ADGRB1: variants seen among roughly 807,000 people sequenced by gnomAD.
ADGRB1 encodes the protein brain-specific angiogenesis inhibitor 1.
A neutral mutation model predicts 175.7 loss-of-function variants in ADGRB1; 36 were observed. The ratio of observed to expected loss-of-function variants is 0.20; its 90% confidence interval spans 0.16 to 0.27. The LOEUF is 0.27. ADGRB1 is among the 10% of genes least tolerant of loss of function. The pLI, the probability that ADGRB1 is intolerant of heterozygous loss-of-function variation, is 1.00. For missense variants in ADGRB1, 1,731 were observed against 2,255.3 expected (o/e 0.77, Z 4.71); for synonymous variants, 1,054 against 979.4 (o/e 1.08, Z -1.42).
intron 24 of ADGRB1, 44 bp downstream of exon 24, chr8:142,526,671 G>A: frequency 1.0e-5 from 16 of 1,563,016 alleles, no homozygotes; most frequent in Non-Finnish European, 1.4e-5. Flanking sequence ...CGGAGTGCAA[G>A]ACCCAGAGCC....
chr8:142,491,069 G>A (rs1239279371), intron 17 of ADGRB1, among the ~76,000 whole-genome samples: 1 of 152,178 alleles, frequency 6.6e-6, no homozygotes, highest in African/African-American at 2.4e-5. Context: ...CACAGGCCAG[G>A]TGATGGGCAG....
chr8:142,466,793 G>C (rs371849290), intron 2 of ADGRB1, among the ~76,000 whole-genome samples: 2 of 152,280 alleles, frequency 1.3e-5, no homozygotes, highest in South Asian at 2.1e-4. Flanking sequence ...GGCTGCAGGA[G>C]GACTGGGCCC....
chr8:142,486,448 A>G (rs1435838158), intron 13 of ADGRB1, among the ~76,000 whole-genome samples: 1 of 152,148 alleles, frequency 6.6e-6, no homozygotes, highest in Non-Finnish European at 1.5e-5. Context: ...ACCAGTAGAA[A>G]TGTCCATTTC....
chr8:142,454,905 C>T (rs1219231045), intron 1 of ADGRB1, among the ~76,000 whole-genome samples: 5 of 152,132 alleles, frequency 3.3e-5, no homozygotes, highest in Admixed American at 2.0e-4. Flanking sequence ...TCTGCTACCC[C>T]GTTACAGGCT....
chr8:142,473,865 G>C (rs1484099193), intron 2 of ADGRB1, among the ~76,000 whole-genome samples: 1 of 152,150 alleles, frequency 6.6e-6, no homozygotes, highest in Admixed American at 6.5e-5. Flanking sequence ...CCCCCTGCTG[G>C]CCATTCCTGG....
chr8:142,470,244 T>C (rs1219966609), intron 2 of ADGRB1, among the ~76,000 whole-genome samples: 1 of 152,218 alleles, frequency 6.6e-6, no homozygotes, highest in Non-Finnish European at 1.5e-5. Context: ...TGCCTCCCTT[T>C]GCATTTTTCC....
chr8:142,525,547 G>T (rs1181799530), intron 23 of ADGRB1, among the ~76,000 whole-genome samples: 2 of 152,192 alleles, frequency 1.3e-5, no homozygotes, highest in South Asian at 2.1e-4. Flanking sequence ...CATCAGAAAA[G>T]TAGGCTGCCC....
chr8:142,471,408 C>G (rs1191807967), intron 2 of ADGRB1, among the ~76,000 whole-genome samples: 7 of 152,192 alleles, frequency 4.6e-5, no homozygotes, highest in Non-Finnish European at 8.8e-5. Context: ...CAACCGGGGT[C>G]GGGGCCCGGG....
At chr8:142,451,352 T>C (rs576619127) in intron 1 of ADGRB1, among the ~76,000 whole-genome samples, 22 of 152,264 alleles carry the variant, frequency 1.4e-4, no homozygotes, top group African/African-American at 3.8e-4. Flanking sequence ...ACTTTTATTT[T>C]GGGCTTCTAA....
intron 23 of ADGRB1, 25 bp from the exon 24 acceptor site, chr8:142,526,517 A>ACCCCCCCCC: frequency 1.4e-6 from 1 of 732,992 alleles, no homozygotes; most frequent in Non-Finnish European, 2.1e-6. Flanking sequence ...CCACCCCCAC[A>ACCCCCCCCC]CCCCCACCAC....
chr8:142,536,480 G>T (rs1844931026), intron 25 of ADGRB1, among the ~76,000 whole-genome samples: 1 of 152,148 alleles, frequency 6.6e-6, no homozygotes, highest in African/African-American at 2.4e-5. Context: ...GGCCATGAAG[G>T]GTGAAATCCC....
In ADGRB1 at chr8:142,542,353, G is replaced by T. The variant is rs779785088; in HGVS notation, c.4119G>T (p.Pro1373=). 3.8e-6 allele frequency: 6 copies of T among 1,569,138 alleles called. No homozygotes were observed. The East Asian group carries it at 1.2e-4, about 32-fold the overall frequency. The change falls in exon 28 of 31, where the codon CCG becomes CCT. Residue 1373 remains proline, a synonymous_variant. Transcript: ENST00000517894. This position sits in a 1 kb window ranked among gnomAD's most constrained non-coding sequence, Gnocchi z 6.3. ...ACAGCATCCACATTGACCAGATGCC[G>T]CAGACCCGCCTCATCCACCTCAGCA... ...PKYSIHIDQM[P]QTRLIHLSTA... is the part of the protein sequence containing the mutation.
At chr8:142,515,461 G>A (rs965899544) in intron 18 of ADGRB1, among the ~76,000 whole-genome samples, 3 of 151,886 alleles carry the variant, frequency 2.0e-5, no homozygotes, top group African/African-American at 2.4e-5. Context: ...GAGAGCTGGC[G>A]GGTTTGCGGC....
rs960298758 is a variant in ADGRB1, at chr8:142,455,460, GCCC to G, written c.-220+5359_-220+5361del. ...GTCCTCTCTGCAGCTTCGCTGTCAG[GCCC>G]CCAACCACTTGCCTTCCTGGGAGAG... On this transcript the variant is annotated intron_variant, in intron 1 of 30. Transcript: ENST00000517894. This position sits in a 1 kb window ranked among gnomAD's most constrained non-coding sequence, Gnocchi z 4.9. Among the ~76,000 whole-genome samples, 1 of 152,166 alleles carries G rather than the reference GCCC, an allele frequency of 6.6e-6. No individual in the cohort carries two copies. Among genetic ancestry groups the G allele is most frequent in the Non-Finnish European group, 1.5e-5 (1 of 68,032 alleles).
intron 27 of ADGRB1, among the ~76,000 whole-genome samples, chr8:142,540,553 C>T (rs1007779494): frequency 6.6e-6 from 1 of 152,126 alleles, no homozygotes; most frequent in East Asian, 1.9e-4. Context: ...GGGGTGCCAG[C>T]GAGGGGCCTG....
At chr8:142,520,007 G>C (rs1450503704) in intron 19 of ADGRB1, among the ~76,000 whole-genome samples, 2 of 150,802 alleles carry the variant, frequency 1.3e-5, no homozygotes, top group Non-Finnish European at 3.0e-5. Flanking sequence ...AGTGATTATG[G>C]TGATGGTGGT....
chr8:142,543,709 G>C lies in ADGRB1; in HGVS notation c.4557+1G>C. 8.4e-7 allele frequency: 1 copy of C among 1,190,184 alleles called. No homozygotes were observed. The highest frequency in any genetic ancestry group is 1.2e-6 in the Non-Finnish European group (1 of 864,008). The allele number at this position is 1,190,184 out of a possible 1,614,324, so 73.7% of individuals were successfully genotyped here. On this transcript the variant is annotated splice_donor_variant, in intron 30 of 30. Transcript: ENST00000517894. LOFTEE classifies it high-confidence loss of function. The surrounding 1 kb of genome is among the most constrained non-coding windows in gnomAD (Gnocchi z 4.4). ...GGAGGTGCTGGGGCCGGACAGCAAG[G>C]TCTGGAGGGCAGGGAGGGGCGGGGT... is the stretch of plus-strand genomic sequence containing the variant.
chr8:142,533,503 G>A (rs563393422), intron 25 of ADGRB1, 37 bp downstream of exon 25: 51 of 1,550,850 alleles, frequency 3.3e-5, no homozygotes, highest in Non-Finnish European at 4.2e-5. Context: ...GGGCTCCTGC[G>A]GGGTCCTGGG....
In ADGRB1 at chr8:142,544,493, A is replaced by G; in HGVS notation, c.*76A>G. ...GCCCGCTCCTGCCGCAGACGGGCAC[A>G]GACACGCTCGCGGGCAGCGGGCCAG... is the stretch of plus-strand genomic sequence containing the variant. On this transcript the variant is annotated 3_prime_UTR_variant, in exon 31 of 31. Coordinates refer to ENST00000517894, the MANE Select transcript of ADGRB1 (RefSeq NM_001702.3). 7.1e-6 allele frequency: 10 copies of G among 1,399,218 alleles called. No individual in the cohort carries two copies. Among genetic ancestry groups the G allele is most frequent in the Non-Finnish European group, 9.3e-6 (10 of 1,079,474 alleles). 86.7% of individuals were successfully genotyped at this position (1,399,218 alleles called of 1,614,324 possible).
Sources: allele counts gnomAD v4.1 joint callset (sites outside exome capture counted in the v4.1 genomes callset), GRCh38; gene constraint gnomAD v4.1.1; non-coding constraint Gnocchi (gnomAD v3.1); transcripts MANE v1.5; gene names NCBI Gene and HGNC (gene_info 2026-07-23, HGNC 2026-07-21).